The following STK33 variants were observed in gnomAD, a reference collection of about 807,000 sequenced individuals.
STK33 encodes serine/threonine kinase 33.
In STK33, 52 loss-of-function variants were observed where a neutral mutation model predicts 58.0. That is an observed-to-expected ratio of 0.90 (90% CI 0.72 to 1.13). The LOEUF (loss-of-function observed/expected upper bound fraction) is 1.13, where lower values mean the gene tolerates loss of function less well. Ranked by LOEUF, STK33 falls within the 50% of genes most tolerant of loss-of-function variation. The pLI is 0.00. For missense variants in STK33, 630 were observed against 604.2 expected (o/e 1.04, Z -0.45); for synonymous variants, 215 against 200.1 (o/e 1.07, Z -0.63).
chr11:8,592,072 A>T (rs942472431), intron 1 of STK33, among the ~76,000 whole-genome samples: 4 of 152,112 alleles, frequency 2.6e-5, no homozygotes, highest in Non-Finnish European at 5.9e-5. Flanking sequence ...CTTTCTTCCA[A>T]GCCCTGTTTG....
the STK33 span, among the ~76,000 whole-genome samples, chr11:8,349,842 C>T: frequency 6.6e-6 from 1 of 152,232 alleles, no homozygotes; most frequent in Non-Finnish European, 1.5e-5. Flanking sequence ...GGCTTCTTCC[C>T]CTTCTCTGTC....
intron 1 of STK33, among the ~76,000 whole-genome samples, chr11:8,554,787 CAGA>C (rs1956616379): frequency 6.6e-6 from 1 of 152,044 alleles, no homozygotes; most frequent in African/African-American, 2.4e-5. Context: ...ATCCATATGT[CAGA>C]AGGAGATCTG....
At chr11:8,480,126 G>A (rs905327258) in intron 2 of STK33, among the ~76,000 whole-genome samples, 2 of 152,170 alleles carry the variant, frequency 1.3e-5, no homozygotes, top group Non-Finnish European at 2.9e-5. Flanking sequence ...AGACTTCTAC[G>A]TGATTTGAAG....
At chr11:8,389,040 G>T (rs760238966), downstream of STK33, among the ~76,000 whole-genome samples, 1 of 152,236 alleles carries the variant, frequency 6.6e-6, no homozygotes, top group East Asian at 1.9e-4. Flanking sequence ...GATAAGGAAA[G>T]GGTCTCCACC....
chr11:8,374,121 G>C, the STK33 span, among the ~76,000 whole-genome samples: 2 of 152,352 alleles, frequency 1.3e-5, no homozygotes, highest in East Asian at 3.9e-4. Flanking sequence ...TGGAAGTCTA[G>C]AGATCTGGCT....
At chr11:8,525,227 T>C (rs1953924291) in intron 1 of STK33, among the ~76,000 whole-genome samples, 1 of 152,156 alleles carries the variant, frequency 6.6e-6, no homozygotes. Flanking sequence ...AAAACTCCAA[T>C]AGGTGTGTAT....
At chr11:8,427,561 G>A (rs1222056832) in intron 14 of STK33, among the ~76,000 whole-genome samples, 1 of 150,596 alleles carries the variant, frequency 6.6e-6, no homozygotes, top group Non-Finnish European at 1.5e-5. Flanking sequence ...TTTTATTTTT[G>A]TAATCTGAGA....
intron 1 of STK33, among the ~76,000 whole-genome samples, chr11:8,493,002 T>A (rs1312094188): frequency 1.3e-5 from 2 of 152,022 alleles, no homozygotes; most frequent in Non-Finnish European, 2.9e-5. Flanking sequence ...GCAGGAAAGA[T>A]CTAAAATTGA....
chr11:8,498,278 A>T (rs1014601844), intron 1 of STK33, among the ~76,000 whole-genome samples: 3 of 152,174 alleles, frequency 2.0e-5, no homozygotes, highest in African/African-American at 7.2e-5. Flanking sequence ...AAACCCAAGC[A>T]TTCCTATACA....
intron 1 of STK33, among the ~76,000 whole-genome samples, chr11:8,584,949 G>A (rs985177232): frequency 6.7e-6 from 1 of 148,956 alleles, no homozygotes; most frequent in African/African-American, 2.5e-5. Flanking sequence ...TTTTGAGATG[G>A]AGTATCACTG....
chr11:8,567,782 C>T (rs553642384), intron 1 of STK33, among the ~76,000 whole-genome samples: 1 of 152,322 alleles, frequency 6.6e-6, no homozygotes, highest in South Asian at 2.1e-4. Context: ...CTTTGAACTC[C>T]TTTTACATTT....
At chr11:8,384,098 A>G in the STK33 span, among the ~76,000 whole-genome samples, 2 of 152,250 alleles carry the variant, frequency 1.3e-5, no homozygotes, top group African/African-American at 4.8e-5. Flanking sequence ...AAGCTGTTCC[A>G]ATATAATAAA....
the STK33 span, among the ~76,000 whole-genome samples, chr11:8,366,126 A>G: frequency 6.6e-6 from 1 of 152,224 alleles, no homozygotes; most frequent in African/African-American, 2.4e-5. Context: ...ACCTTGTGGG[A>G]TAAGGGCTGG....
chr11:8,478,826 A>G (rs1949528618), intron 2 of STK33, among the ~76,000 whole-genome samples: 1 of 152,112 alleles, frequency 6.6e-6, no homozygotes, highest in African/African-American at 2.4e-5. Context: ...ACATGTTTAC[A>G]AAGCCTAAAG....
At chr11:8,575,027 G>C (rs995043008) in intron 1 of STK33, among the ~76,000 whole-genome samples, 3 of 152,232 alleles carry the variant, frequency 2.0e-5, no homozygotes, top group Admixed American at 2.0e-4. Flanking sequence ...TCTGGCAAGG[G>C]AGCAAGACCC....
rs145033360 is a variant in STK33 at position 8,421,662 on chromosome 11, C to T, written c.1147-7970G>A. Among the ~76,000 whole-genome samples, 470 of 152,114 alleles carry T rather than the reference C, an allele frequency of 3.1e-3. 7 individuals carry two copies. In the South Asian group the frequency reaches 0.034, roughly 11 times the overall value. On this transcript the variant is annotated intron_variant, in intron 14 of 15. Coordinates refer to ENST00000687296, the MANE Select transcript of STK33 (RefSeq NM_001352389.2). ...TTTGCACTGAATATGTATATCAATA[C>T]GGGAAAAATTAATTTTTGATATTAA...
intron 14 of STK33, among the ~76,000 whole-genome samples, chr11:8,415,747 G>A (rs1249303291): frequency 6.6e-6 from 1 of 151,978 alleles, no homozygotes; most frequent in Non-Finnish European, 1.5e-5. Context: ...AAACCATCAG[G>A]TCCAACAAAA....
intron 1 of STK33, among the ~76,000 whole-genome samples, chr11:8,553,530 T>C (rs1035786671): frequency 6.6e-6 from 1 of 151,946 alleles, no homozygotes; most frequent in Admixed American, 6.6e-5. Flanking sequence ...GACCAAAATG[T>C]TGTTATACGC....
Position 8,436,024 on chromosome 11 carries a change from T to TA in STK33, c.1060+2dup, listed in dbSNP as rs951120390. On this transcript the variant is annotated splice_region_variant and intron_variant, in intron 13 of 15. Coordinates refer to ENST00000687296, the MANE Select transcript of STK33 (RefSeq NM_001352389.2). Reference sequence around the variant, plus strand: ...TAGTAAATAATAACGCATCTATACTTACCACAGTCACTTATGGAATTCCAG... The same window carrying TA: ...TAGTAAATAATAACGCATCTATACTTAACCACAGTCACTTATGGAATTCCAG... 7 of 1,550,930 alleles carry TA rather than the reference T, an allele frequency of 4.5e-6. No individual in the cohort carries two copies. The highest frequency in any genetic ancestry group is 6.1e-6 in the Non-Finnish European group (7 of 1,144,770).
Sources: gnomAD v4.1 joint callset for allele counts (sites outside exome capture counted in the v4.1 genomes callset) on GRCh38, gnomAD v4.1.1 for gene constraint, MANE v1.5 for transcripts, NCBI Gene and HGNC (gene_info 2026-07-23, HGNC 2026-07-21) for gene names.